The following ANKS1B variants were observed in gnomAD, a reference collection of about 807,000 sequenced individuals.
ANKS1B encodes ankyrin repeat and sterile alpha motif domain containing 1B.
Under a neutral mutation model 148.3 loss-of-function variants are expected in ANKS1B, and 36 were observed. The ratio of observed to expected loss-of-function variants is 0.24; its 90% CI spans 0.19 to 0.32. The LOEUF is 0.32. ANKS1B is among the 10% of genes least tolerant of loss of function. The probability of loss-of-function intolerance (pLI) is 1.00; values close to 1 mark genes in which losing one functional copy is unlikely to be tolerated. For missense variants in ANKS1B, 1,157 were observed against 1,542.6 expected, an observed-to-expected ratio of 0.75 and a Z score of 4.19; for synonymous variants, 542 against 560.8, an observed-to-expected ratio of 0.97 and a Z score of 0.47.
At chr12:98,832,184 A>C in intron 17 of ANKS1B, 48 bp from the exon 18 acceptor site, 3 of 1,394,538 alleles carry the variant, frequency 2.2e-6, no homozygotes, top group Non-Finnish European at 2.9e-6. Flanking sequence ...AGAACAAATA[A>C]TTTTTATATG....
At chr12:99,171,496 T>C (rs930924359) in intron 14 of ANKS1B, among the ~76,000 whole-genome samples, 1 of 152,204 alleles carries the variant, frequency 6.6e-6, no homozygotes, top group Non-Finnish European at 1.5e-5. Flanking sequence ...TCCAAGATTA[T>C]GGTCTGATGT....
At position 99,741,206 on chromosome 12, in the gene ANKS1B, A is replaced by C. The variant is rs375694333; in HGVS notation, c.1128+31716T>G. 8.1e-4 allele frequency among the ~76,000 whole-genome samples: 110 copies of C among 135,402 alleles called. 1 individual carries two copies. The highest frequency in any genetic ancestry group is 7.8e-5 in the Non-Finnish European group (5 of 63,816). 88.8% of individuals were successfully genotyped at this position (135,402 alleles called of 152,430 possible). A position where few individuals can be genotyped will look rare whatever the true frequency, so the allele number is the denominator to read the frequency against. ...CTGGCAACAGAGCTAGGCTCCGTCA[A>C]ACACACACACACACACACACACACA... On this transcript the variant is annotated intron_variant, in intron 8 of 26. Coordinates refer to ENST00000683438, the MANE Select transcript of ANKS1B (RefSeq NM_001352186.2).
At chr12:99,545,021 T>C (rs2097159870) in intron 9 of ANKS1B, among the ~76,000 whole-genome samples, 2 of 152,144 alleles carry the variant, frequency 1.3e-5, no homozygotes, top group Admixed American at 6.6e-5. Flanking sequence ...TTATCATTGG[T>C]CGAACTTACT....
intron 12 of ANKS1B, among the ~76,000 whole-genome samples, chr12:99,298,142 C>G (rs1235812336): frequency 1.3e-5 from 2 of 152,166 alleles, no homozygotes; most frequent in African/African-American, 4.8e-5. Flanking sequence ...ATAAAGCTAA[C>G]GGGATGTATA....
At chr12:99,648,155 G>A (rs770218593) in intron 9 of ANKS1B, 26 of 1,588,890 alleles carry the variant, frequency 1.6e-5, no homozygotes, top group Middle Eastern at 1.7e-4. Flanking sequence ...GCTGGGAACT[G>A]TCTTGATTTA....
At position 99,843,826 on chromosome 12, in the gene ANKS1B, C is replaced by T. The variant is rs536729866; in HGVS notation, c.135-18437G>A. 5.3e-5 allele frequency among the ~76,000 whole-genome samples: 8 copies of T among 152,118 alleles called. No homozygotes were observed. In the South Asian group the frequency reaches 1.2e-3, roughly 24 times the overall value. ...TTCTGTCTCTAGGTCTTTGAGAAAT[C>T]GCCACACTGTCTTCCACAATGTTGA... On this transcript the variant is annotated intron_variant, in intron 1 of 26. Transcript: ENST00000683438.
intron 12 of ANKS1B, chr12:99,343,711 T>C (rs1462374589): frequency 6.6e-6 from 1 of 152,068 alleles, no homozygotes; most frequent in Non-Finnish European, 1.5e-5. Context: ...TTCTCTTTTA[T>C]TTACATCCAA....
intron 9 of ANKS1B, among the ~76,000 whole-genome samples, chr12:99,608,825 G>C (rs2097873647): frequency 1.3e-5 from 2 of 152,008 alleles, no homozygotes; most frequent in South Asian, 2.1e-4. Context: ...CCAGAATGCT[G>C]ATGTTTTCTC....
chr12:99,278,969 T>C (rs2078038889), intron 12 of ANKS1B, among the ~76,000 whole-genome samples: 2 of 152,178 alleles, frequency 1.3e-5, no homozygotes, highest in Non-Finnish European at 2.9e-5. Context: ...TTGGTACAAA[T>C]CTGACTCTTT....
At chr12:99,385,990 C>A (rs1364190043) in intron 12 of ANKS1B, among the ~76,000 whole-genome samples, 1 of 152,152 alleles carries the variant, frequency 6.6e-6, no homozygotes, top group Non-Finnish European at 1.5e-5. Flanking sequence ...TGCTTATGTG[C>A]TTTTCAGAAG....
intron 1 of ANKS1B, among the ~76,000 whole-genome samples, chr12:99,952,843 T>C (rs1158138488): frequency 6.6e-6 from 1 of 152,254 alleles, no homozygotes; most frequent in East Asian, 1.9e-4. Context: ...ATCTCTCTTC[T>C]GCTATCCCAA....
intron 12 of ANKS1B, among the ~76,000 whole-genome samples, chr12:99,290,552 C>A (rs1223164228): frequency 2.0e-5 from 3 of 151,882 alleles, no homozygotes; most frequent in Non-Finnish European, 2.9e-5. Flanking sequence ...AATTCAGCAA[C>A]ACATTAAAAA....
intron 8 of ANKS1B, among the ~76,000 whole-genome samples, chr12:99,698,898 TTTTC>T (rs773365479): frequency 2.0e-5 from 3 of 152,150 alleles, no homozygotes; most frequent in Non-Finnish European, 4.4e-5. Context: ...CTGCCCATGG[TTTTC>T]TTTATCAGAT....
At chr12:98,831,932 A>G in intron 18 of ANKS1B, 97 bp downstream of exon 18, 1 of 1,159,844 alleles carries the variant, frequency 8.6e-7, no homozygotes, top group Non-Finnish European at 1.3e-6. Flanking sequence ...TTCTGTTTTC[A>G]GTAGAGGCAG....
chr12:99,249,460 G>T (rs2074288527), intron 12 of ANKS1B, among the ~76,000 whole-genome samples: 1 of 152,138 alleles, frequency 6.6e-6, no homozygotes, highest in South Asian at 2.1e-4. Flanking sequence ...CAAAGTAAAA[G>T]ATAATTTCAT....
At position 98,769,110 on chromosome 12, in the gene ANKS1B, A is replaced by C. The variant is rs559604770; in HGVS notation, c.3579+3932T>G. ...ACTTCACAATTAAAAATGTATACAT[A>C]CTTATTTAGCTAAAAGGTTAAATGT... On this transcript the variant is annotated intron_variant, in intron 25 of 26. Transcript: ENST00000683438. 9.7e-5 allele frequency among the ~76,000 whole-genome samples: 14 copies of C among 145,054 alleles called. No individual in the cohort carries two copies. The South Asian group carries it at 3.0e-3, about 31-fold the overall frequency.
intron 12 of ANKS1B, among the ~76,000 whole-genome samples, chr12:99,276,780 A>G (rs1392736618): frequency 6.6e-6 from 1 of 152,236 alleles, no homozygotes; most frequent in East Asian, 1.9e-4. Context: ...GCCATTTTAT[A>G]GGTAGCAGAT....
chr12:99,558,799 C>A (rs1245043179), intron 9 of ANKS1B, among the ~76,000 whole-genome samples: 1 of 152,166 alleles, frequency 6.6e-6, no homozygotes, highest in South Asian at 2.1e-4. Context: ...AAAGCTAAAG[C>A]CTCCTGGAGG....
At chr12:99,718,447 TC>T (rs1240370101) in intron 8 of ANKS1B, among the ~76,000 whole-genome samples, 1 of 152,012 alleles carries the variant, frequency 6.6e-6, no homozygotes, top group African/African-American at 2.4e-5. Context: ...CCTCACCATC[TC>T]ACTAAAACCT....
Sources: gnomAD v4.1 joint callset for allele counts (sites outside exome capture counted in the v4.1 genomes callset) on GRCh38, gnomAD v4.1.1 for gene constraint, MANE v1.5 for transcripts, NCBI Gene and HGNC (gene_info 2026-07-23, HGNC 2026-07-21) for gene names.